HMGCLL1: variants seen among roughly 807,000 people sequenced by gnomAD.
HMGCLL1 encodes 3-hydroxy-3-methylglutaryl-CoA lyase like 1.
HMGCLL1 carries 36 observed loss-of-function variants against 39.1 expected under a neutral mutation model. The observed-to-expected ratio is 0.92, with a 90% CI of 0.71 to 1.22. The LOEUF (loss-of-function observed/expected upper bound fraction) is 1.22, where lower values mean the gene tolerates loss of function less well. HMGCLL1 is among the 50% of genes most tolerant of loss of function. The pLI, the probability that HMGCLL1 is intolerant of heterozygous loss-of-function variation, is 0.00. For synonymous variants in HMGCLL1, 149 were observed against 144.0 expected (o/e 1.03, Z -0.25); for missense variants, 451 against 416.5 (o/e 1.08, Z -0.72).
chr6:55,483,339 C>G (rs1450584650), intron 7 of HMGCLL1, among the ~76,000 whole-genome samples: 1 of 152,204 alleles, frequency 6.6e-6, no homozygotes, highest in Non-Finnish European at 1.5e-5. Flanking sequence ...GATTTCTGCT[C>G]ACTGCAACCT....
the HMGCLL1 span, among the ~76,000 whole-genome samples, chr6:55,619,051 C>T: frequency 2.6e-5 from 4 of 151,886 alleles, no homozygotes; most frequent in Admixed American, 2.6e-4. Context: ...AACAATGGAC[C>T]CATCCCTGGA....
intron 7 of HMGCLL1, among the ~76,000 whole-genome samples, chr6:55,487,489 TC>T (rs1019805303): frequency 6.6e-6 from 1 of 151,600 alleles, no homozygotes; most frequent in African/African-American, 2.4e-5. Context: ...ATGTTCCCCT[TC>T]CTGTGTCCAT....
chr6:55,546,730 T>G (rs1050741327), intron 1 of HMGCLL1, among the ~76,000 whole-genome samples: 3 of 152,146 alleles, frequency 2.0e-5, no homozygotes, highest in African/African-American at 7.2e-5. Context: ...CTGGAGAAGT[T>G]AGAAACATAC....
the HMGCLL1 span, among the ~76,000 whole-genome samples, chr6:55,649,663 A>G: frequency 2.6e-5 from 4 of 151,948 alleles, no homozygotes; most frequent in Non-Finnish European, 5.9e-5. Context: ...CCGTTTGAAT[A>G]AACTTTCTAC....
intron 1 of HMGCLL1, among the ~76,000 whole-genome samples, chr6:55,552,024 A>G (rs4588676): frequency 0.62 from 94,720 of 151,614 alleles, 30,568 homozygotes; most frequent in Admixed American, 0.7. Context: ...TATCAAGACT[A>G]ACCAAAGTTC....
the HMGCLL1 span, among the ~76,000 whole-genome samples, chr6:55,663,191 C>A: frequency 0.015 from 2,307 of 150,152 alleles, 16 homozygotes; most frequent in Non-Finnish European, 0.024. Context: ...TCCTTCAGTT[C>A]CGCTCTGATT....
chr6:55,490,566 G>T (rs1766258498), intron 7 of HMGCLL1, among the ~76,000 whole-genome samples: 1 of 152,074 alleles, frequency 6.6e-6, no homozygotes, highest in African/African-American at 2.4e-5. Context: ...TTCTTGGTGA[G>T]CTTGAAGTTT....
the HMGCLL1 span, among the ~76,000 whole-genome samples, chr6:55,605,635 T>C: frequency 1.2e-4 from 18 of 152,144 alleles, no homozygotes; most frequent in African/African-American, 4.1e-4. Flanking sequence ...TTGATTTACA[T>C]ATCTTGATTC....
At chr6:55,650,088 TAC>T in the HMGCLL1 span, among the ~76,000 whole-genome samples, 35 of 54,742 alleles carry the variant, frequency 6.4e-4, no homozygotes, top group African/African-American at 1.0e-3. Flanking sequence ...CACACACATA[TAC>T]ATATATATAT....
intron 7 of HMGCLL1, among the ~76,000 whole-genome samples, chr6:55,468,763 A>G (rs545342120): frequency 4.6e-5 from 7 of 152,138 alleles, no homozygotes; most frequent in Non-Finnish European, 1.0e-4. Context: ...TTTAGATTTT[A>G]GAGGCAGTGC....
chr6:55,669,900 C>T, the HMGCLL1 span, among the ~76,000 whole-genome samples: 7 of 151,562 alleles, frequency 4.6e-5, no homozygotes, highest in Non-Finnish European at 8.9e-5. Context: ...GTTGAAGTCC[C>T]GGGAGAGAAC....
At chr6:55,628,704 G>A in the HMGCLL1 span, among the ~76,000 whole-genome samples, 10 of 152,024 alleles carry the variant, frequency 6.6e-5, no homozygotes, top group Non-Finnish European at 1.2e-4. Context: ...ACGTGTTGTG[G>A]GAGGAACCCA....
At chr6:55,510,697 T>C (rs965176702) in intron 5 of HMGCLL1, among the ~76,000 whole-genome samples, 5 of 149,326 alleles carry the variant, frequency 3.3e-5, no homozygotes, top group Non-Finnish European at 5.9e-5. Flanking sequence ...TGCTAAATGA[T>C]GAGTTAATGG....
chr6:55,563,931 T>C (rs1771089252), intron 1 of HMGCLL1: 1 of 1,246,620 alleles, frequency 8.0e-7, no homozygotes, highest in South Asian at 1.2e-5. Flanking sequence ...AGAGGAGGAA[T>C]GAGGAGCTGT....
intron 1 of HMGCLL1, among the ~76,000 whole-genome samples, chr6:55,574,104 ACAT>A (rs1205360057): frequency 2.6e-5 from 4 of 151,896 alleles, no homozygotes; most frequent in African/African-American, 9.7e-5. Flanking sequence ...ATACTTATAA[ACAT>A]CATATATGTG....
chr6:55,544,818 G>A (rs1044630752), intron 1 of HMGCLL1, among the ~76,000 whole-genome samples: 1 of 152,078 alleles, frequency 6.6e-6, no homozygotes, highest in Non-Finnish European at 1.5e-5. Context: ...AGAAGAAAAA[G>A]AATTTTCTTT....
chr6:55,523,851 T>C (rs1445491432), intron 3 of HMGCLL1, among the ~76,000 whole-genome samples: 3 of 151,982 alleles, frequency 2.0e-5, no homozygotes, highest in Non-Finnish European at 2.9e-5. Flanking sequence ...ATTATATACA[T>C]ACTGTTGTAA....
intron 7 of HMGCLL1, among the ~76,000 whole-genome samples, chr6:55,474,900 C>G (rs777591358): frequency 7.9e-5 from 12 of 151,624 alleles, no homozygotes; most frequent in Non-Finnish European, 1.2e-4. Context: ...AGTATTCCTT[C>G]TCAGATAAAC....
intron 5 of HMGCLL1, among the ~76,000 whole-genome samples, chr6:55,499,900 T>C (rs1766786006): frequency 6.6e-6 from 1 of 152,022 alleles, no homozygotes; most frequent in Admixed American, 6.6e-5. Context: ...TCTATAAGCT[T>C]CTTTTGTAAC....
Sources: allele counts gnomAD v4.1 joint callset (sites outside exome capture counted in the v4.1 genomes callset), GRCh38; gene constraint gnomAD v4.1.1; transcripts MANE v1.5; gene names NCBI Gene and HGNC (gene_info 2026-07-23, HGNC 2026-07-21).